GARIN2: variants seen among roughly 807,000 people sequenced by gnomAD.
GARIN2 encodes Golgi-associated RAB2 interactor protein 2.
At chr14:67,193,541 ATATATCTATATATAGATC>A in the GARIN2 span, among the ~76,000 whole-genome samples, 2 of 144,474 alleles carry the variant, frequency 1.4e-5, no homozygotes, top group African/African-American at 2.5e-5. Flanking sequence ...CTATAGAAAT[ATATATCTATATATAGATC>A]TATATCTATA....
At chr14:67,226,106 C>T in the GARIN2 span, among the ~76,000 whole-genome samples, 1 of 152,216 alleles carries the variant, frequency 6.6e-6, no homozygotes, top group Non-Finnish European at 1.5e-5. Flanking sequence ...AATCAAGGTG[C>T]TCACTCTTCT....
At chr14:67,199,751 G>A in the GARIN2 span, 2 of 1,554,094 alleles carry the variant, frequency 1.3e-6, no homozygotes, top group African/African-American at 2.7e-5. Flanking sequence ...ATTGGGGTCT[G>A]GGCTTCCTCC....
At chr14:67,204,451 A>G in the GARIN2 span, 1 of 1,406,226 alleles carries the variant, frequency 7.1e-7, no homozygotes. Context: ...CAAAACAAAC[A>G]AACAAATATA....
the GARIN2 span, among the ~76,000 whole-genome samples, chr14:67,194,461 C>CA: frequency 1.5e-3 from 227 of 151,788 alleles, no homozygotes; most frequent in Non-Finnish European, 1.4e-3. Context: ...GTGCTGTGGC[C>CA]AAAATGATGG....
At chr14:67,196,575 G>A in the GARIN2 span, among the ~76,000 whole-genome samples, 6 of 152,158 alleles carry the variant, frequency 3.9e-5, no homozygotes, top group Admixed American at 2.0e-4. Context: ...TCAGGTAATC[G>A]TAAGGAGCAC....
the GARIN2 span, among the ~76,000 whole-genome samples, chr14:67,211,937 A>G: frequency 6.6e-6 from 1 of 152,208 alleles, no homozygotes; most frequent in South Asian, 2.1e-4. Flanking sequence ...GTCCCTGCAA[A>G]ACTTCTCAAA....
the GARIN2 span, among the ~76,000 whole-genome samples, chr14:67,212,283 A>G: frequency 1.3e-5 from 2 of 152,170 alleles, no homozygotes; most frequent in South Asian, 2.1e-4. Context: ...AAAAAAATGT[A>G]TCTTCTTTAA....
At chr14:67,214,239 C>T in the GARIN2 span, among the ~76,000 whole-genome samples, 2 of 152,172 alleles carry the variant, frequency 1.3e-5, no homozygotes, top group South Asian at 4.2e-4. Flanking sequence ...AAGTCCTTGC[C>T]CATGCCTATG....
At chr14:67,193,541 ATATATCTATATATAGATCTATATC>A in the GARIN2 span, among the ~76,000 whole-genome samples, 89 of 144,466 alleles carry the variant, frequency 6.2e-4, 1 homozygote, top group East Asian at 7.0e-3. Flanking sequence ...CTATAGAAAT[ATATATCTATATATAGATCTATATC>A]TATATAGATC....
chr14:67,204,466 T>C, the GARIN2 span: 14 of 1,458,906 alleles, frequency 9.6e-6, no homozygotes, highest in African/African-American at 4.3e-5. Context: ...AATATATATA[T>C]ATATAAGAAA....
the GARIN2 span, among the ~76,000 whole-genome samples, chr14:67,208,010 C>T: frequency 6.6e-6 from 1 of 152,220 alleles, no homozygotes; most frequent in Non-Finnish European, 1.5e-5. Flanking sequence ...GGCTCCCACA[C>T]AGCCTGCCGC....
chr14:67,200,250 CCT>C, the GARIN2 span: 1 of 894,522 alleles, frequency 1.1e-6, no homozygotes. Flanking sequence ...TGGCTACCAG[CCT>C]CTCCCTCCAA....
the GARIN2 span, among the ~76,000 whole-genome samples, chr14:67,205,628 G>A: frequency 3.9e-5 from 6 of 152,300 alleles, no homozygotes; most frequent in Non-Finnish European, 8.8e-5. Flanking sequence ...AGAGAGTCAC[G>A]TCCAAAAATG....
the GARIN2 span, among the ~76,000 whole-genome samples, chr14:67,193,995 A>T: frequency 2.0e-5 from 3 of 151,552 alleles, no homozygotes; most frequent in Non-Finnish European, 4.4e-5. Flanking sequence ...AGAAAGAAAG[A>T]AATTAAGTGA....
At chr14:67,200,108 G>A in the GARIN2 span, 1 of 1,039,074 alleles carries the variant, frequency 9.6e-7, no homozygotes, top group East Asian at 2.5e-5. Flanking sequence ...CCTCCAATGG[G>A]CATGCCCCCC....
chr14:67,213,357 T>A, the GARIN2 span, among the ~76,000 whole-genome samples: 1 of 127,096 alleles, frequency 7.9e-6, no homozygotes, highest in Admixed American at 9.3e-5. Flanking sequence ...ATGTTCCCCT[T>A]CCTGTGTCCA....
At chr14:67,193,852 A>G in the GARIN2 span, among the ~76,000 whole-genome samples, 1 of 147,540 alleles carries the variant, frequency 6.8e-6, no homozygotes, top group South Asian at 2.2e-4. Context: ...GGCTGAGGTG[A>G]GAGGATCACT....
At chr14:67,204,721 T>C in the GARIN2 span, 2 of 1,613,992 alleles carry the variant, frequency 1.2e-6, no homozygotes, top group Non-Finnish European at 1.7e-6. Flanking sequence ...AGCCAAAGTT[T>C]CCAAAGTGTC....
chr14:67,195,782 C>T, the GARIN2 span, among the ~76,000 whole-genome samples: 1 of 151,424 alleles, frequency 6.6e-6, no homozygotes, highest in Non-Finnish European at 1.5e-5. Context: ...CTTGCTCTGT[C>T]GCCCAGGCTG....
Sources: allele counts gnomAD v4.1 joint callset (sites outside exome capture counted in the v4.1 genomes callset), GRCh38; gene constraint gnomAD v4.1.1; transcripts MANE v1.5; gene names NCBI Gene and HGNC (gene_info 2026-07-23, HGNC 2026-07-21).